Variants in BNC2 observed in about 807,000 individuals in gnomAD.
The protein encoded by BNC2 is zinc finger protein basonuclin-2.
In BNC2, 20 loss-of-function variants were observed where a neutral mutation model predicts 76.3. The ratio of observed to expected loss-of-function variants is 0.26; its 90% CI spans 0.18 to 0.38. The LOEUF is 0.38. Ranked by LOEUF, BNC2 falls within the 10% of genes least tolerant of loss-of-function variation. BNC2 has a pLI of 1.00. For missense variants in BNC2, 1,382 were observed against 1,399.8 expected, an observed-to-expected ratio of 0.99 and a Z score of 0.20; for synonymous variants, 582 against 514.8, an observed-to-expected ratio of 1.13 and a Z score of -1.77.
At chr9:16,730,756 C>T (rs976176498) in intron 2 of BNC2, among the ~76,000 whole-genome samples, 1 of 152,168 alleles carries the variant, frequency 6.6e-6, no homozygotes, top group African/African-American at 2.4e-5. Context: ...GCCTTAAAAG[C>T]AGCAGGATAT....
intron 3 of BNC2, among the ~76,000 whole-genome samples, chr9:16,687,403 G>C (rs1823011384): frequency 6.6e-6 from 1 of 152,146 alleles, no homozygotes; most frequent in Admixed American, 6.6e-5. Flanking sequence ...TGAGGAATAA[G>C]AAAGAAATGC....
chr9:16,831,430 G>A (rs768474874), intron 1 of BNC2, among the ~76,000 whole-genome samples: 5 of 152,180 alleles, frequency 3.3e-5, no homozygotes, highest in Non-Finnish European at 7.3e-5. Flanking sequence ...TCACTTGTGT[G>A]ACATTTACTT....
chr9:16,812,173 C>G (rs1167068968), intron 1 of BNC2, among the ~76,000 whole-genome samples: 2 of 152,196 alleles, frequency 1.3e-5, no homozygotes, highest in Non-Finnish European at 2.9e-5. Flanking sequence ...TCCTCAGTCT[C>G]TGGGTTTCTG....
intron 1 of BNC2, among the ~76,000 whole-genome samples, chr9:16,862,957 C>T (rs992415235): frequency 1.3e-5 from 2 of 150,086 alleles, no homozygotes; most frequent in Non-Finnish European, 2.9e-5. Flanking sequence ...CTCTGTCGCT[C>T]AGGCTAGAGT....
At chr9:16,441,769 A>G (rs1317389462) in intron 5 of BNC2, among the ~76,000 whole-genome samples, 1 of 152,186 alleles carries the variant, frequency 6.6e-6, no homozygotes, top group Non-Finnish European at 1.5e-5. Flanking sequence ...TAGTCAATTT[A>G]TTTTTATTGT....
At chr9:16,516,923 A>C (rs577158283) in intron 5 of BNC2, among the ~76,000 whole-genome samples, 72 of 152,332 alleles carry the variant, frequency 4.7e-4, no homozygotes, top group African/African-American at 1.7e-3. Flanking sequence ...CAAAATAGCA[A>C]AAGGCTTTAA....
intron 1 of BNC2, among the ~76,000 whole-genome samples, chr9:16,847,061 G>A (rs1818999176): frequency 6.6e-6 from 1 of 152,190 alleles, no homozygotes; most frequent in Admixed American, 6.5e-5. Context: ...TCAAGTTGCT[G>A]CATGGTAGAA....
intron 3 of BNC2, among the ~76,000 whole-genome samples, chr9:16,717,355 T>C (rs1053731912): frequency 6.6e-6 from 1 of 152,010 alleles, no homozygotes; most frequent in Non-Finnish European, 1.5e-5. Context: ...GGAAAAAAAA[T>C]GGAAATTTCT....
intron 3 of BNC2, among the ~76,000 whole-genome samples, chr9:16,603,216 G>A (rs960077806): frequency 1.3e-5 from 2 of 152,182 alleles, no homozygotes; most frequent in Non-Finnish European, 2.9e-5. Context: ...TCACACACTA[G>A]CAGATAAGTC....
chr9:16,495,693 C>T (rs954542050), intron 5 of BNC2, among the ~76,000 whole-genome samples: 2 of 152,184 alleles, frequency 1.3e-5, no homozygotes, highest in Admixed American at 1.3e-4. Flanking sequence ...AAAGGCTCAA[C>T]ATGAGCTTGC....
intron 3 of BNC2, among the ~76,000 whole-genome samples, chr9:16,653,538 A>G (rs1039878433): frequency 6.6e-6 from 1 of 151,884 alleles, no homozygotes; most frequent in African/African-American, 2.4e-5. Context: ...CCTGCCTCCA[A>G]TTTTCTGTCA....
chr9:16,469,305 C>A (rs1356993361), intron 5 of BNC2, among the ~76,000 whole-genome samples: 1 of 152,074 alleles, frequency 6.6e-6, no homozygotes, highest in East Asian at 1.9e-4. Context: ...TAGGAAGGAC[C>A]CGGGGGAGGT....
chr9:16,491,090 A>C (rs780699869), intron 5 of BNC2, among the ~76,000 whole-genome samples: 19 of 152,324 alleles, frequency 1.2e-4, no homozygotes, highest in South Asian at 1.2e-3. Flanking sequence ...ACAGGGCATA[A>C]AAGAATAGAG....
chr9:16,626,462 T>A (rs1324664264), intron 3 of BNC2: 2 of 152,160 alleles, frequency 1.3e-5, no homozygotes, highest in Non-Finnish European at 2.9e-5. Flanking sequence ...AGAGCAAAAC[T>A]TTCATCTCTC....
At chr9:16,547,684 C>T (rs546994731) in intron 5 of BNC2, among the ~76,000 whole-genome samples, 12 of 152,272 alleles carry the variant, frequency 7.9e-5, no homozygotes, top group Admixed American at 2.0e-4. Context: ...GAAGAAATTA[C>T]CCACGCAGAG....
chr9:16,433,280 A>G (rs1419405213), intron 6 of BNC2, among the ~76,000 whole-genome samples: 1 of 152,360 alleles, frequency 6.6e-6, no homozygotes, highest in East Asian at 1.9e-4. Context: ...GAGAATAAAA[A>G]AAGTTTTTAT....
chr9:16,818,181 G>A (rs1486648645), intron 1 of BNC2, among the ~76,000 whole-genome samples: 2 of 152,168 alleles, frequency 1.3e-5, no homozygotes, highest in Non-Finnish European at 2.9e-5. Flanking sequence ...GAGGTGGGCA[G>A]ATCACGAGGT....
chr9:16,733,044 C>A (rs1824560866), intron 2 of BNC2, among the ~76,000 whole-genome samples: 2 of 152,144 alleles, frequency 1.3e-5, no homozygotes. Context: ...GCTGAAGATA[C>A]AAATTCATAT....
intron 1 of BNC2, among the ~76,000 whole-genome samples, chr9:16,740,967 A>T (rs758947351): frequency 6.6e-6 from 1 of 152,174 alleles, no homozygotes; most frequent in Non-Finnish European, 1.5e-5. Context: ...ATTTATTACC[A>T]ATTTTTTCCA....
Sources: gnomAD v4.1 joint callset for allele counts (sites outside exome capture counted in the v4.1 genomes callset) on GRCh38, gnomAD v4.1.1 for gene constraint, MANE v1.5 for transcripts, NCBI Gene and HGNC (gene_info 2026-07-23, HGNC 2026-07-21) for gene names.